Variants in TEKT5 observed in about 807,000 individuals in gnomAD.
TEKT5 encodes tektin 5.
TEKT5 carries 52 observed loss-of-function variants against 48.7 expected under a neutral mutation model. The ratio of observed to expected loss-of-function variants is 1.07; its 90% CI spans 0.86 to 1.35. The LOEUF is 1.35. Ranked by LOEUF, TEKT5 falls within the 40% of genes most tolerant of loss-of-function variation. TEKT5 has a pLI of 0.00. For synonymous variants in TEKT5, 318 were observed against 267.6 expected (o/e 1.19, Z -1.84); for missense variants, 831 against 641.6 (o/e 1.30, Z -3.19).
intron 1 of TEKT5, 163 bp from the exon 2 acceptor site, chr16:10,690,188 C>A (rs571851141): frequency 7.2e-4 from 471 of 656,600 alleles, no homozygotes; most frequent in Non-Finnish European, 1.1e-3. Context: ...TCTGCCTCCC[C>A]TTCTCCCCGG....
chr16:10,657,612 T>A (rs908318813), intron 5 of TEKT5, among the ~76,000 whole-genome samples: 1 of 150,180 alleles, frequency 6.7e-6, no homozygotes, highest in Admixed American at 6.6e-5. Flanking sequence ...TTCCCTGAGA[T>A]GGAGTCTCGC....
intron 3 of TEKT5, among the ~76,000 whole-genome samples, chr16:10,685,966 C>G (rs968581335): frequency 1.3e-5 from 2 of 152,180 alleles, no homozygotes; most frequent in African/African-American, 4.8e-5. Context: ...GTTCACTCTG[C>G]CGGCTCAAAC....
At chr16:10,636,368 T>C (rs1324012561) in intron 5 of TEKT5, among the ~76,000 whole-genome samples, 1 of 129,906 alleles carries the variant, frequency 7.7e-6, no homozygotes, top group Non-Finnish European at 1.7e-5. Flanking sequence ...AGAGCGAGAC[T>C]TTGTCTCAAA....
chr16:10,672,684 G>C (rs191850033), intron 5 of TEKT5, among the ~76,000 whole-genome samples: 66 of 152,252 alleles, frequency 4.3e-4, no homozygotes, highest in Non-Finnish European at 1.2e-4. Context: ...AGGGGGACAA[G>C]GTTAAATCAG....
intron 5 of TEKT5, among the ~76,000 whole-genome samples, chr16:10,674,428 G>C (rs1484508625): frequency 6.6e-6 from 1 of 151,968 alleles, no homozygotes; most frequent in Non-Finnish European, 1.5e-5. Context: ...GAGCCCAGGA[G>C]TTTGAGACCA....
At chr16:10,674,112 A>G (rs1327702720) in intron 5 of TEKT5, among the ~76,000 whole-genome samples, 1 of 151,882 alleles carries the variant, frequency 6.6e-6, no homozygotes, top group East Asian at 1.9e-4. Context: ...GCCTACCCAG[A>G]CCCACCTGCC....
At chr16:10,637,132 C>T (rs1243898165) in intron 5 of TEKT5, among the ~76,000 whole-genome samples, 1 of 150,950 alleles carries the variant, frequency 6.6e-6, no homozygotes, top group Non-Finnish European at 1.5e-5. Flanking sequence ...CAGGTGCCTG[C>T]CACCATGCCT....
chr16:10,674,272 C>T (rs146548288), intron 5 of TEKT5, among the ~76,000 whole-genome samples: 310 of 152,210 alleles, frequency 2.0e-3, no homozygotes, highest in Non-Finnish European at 3.1e-3. Context: ...GTGTGGGTCC[C>T]ATGAGAATAT....
intron 3 of TEKT5, among the ~76,000 whole-genome samples, chr16:10,687,862 G>A (rs1261006652): frequency 3.9e-5 from 6 of 152,222 alleles, no homozygotes; most frequent in Non-Finnish European, 8.8e-5. Context: ...CATAGTAGGT[G>A]TATATATTTG....
intron 5 of TEKT5, among the ~76,000 whole-genome samples, chr16:10,642,205 G>T (rs919151294): frequency 1.3e-5 from 2 of 152,180 alleles, no homozygotes; most frequent in African/African-American, 2.4e-5. Context: ...CCCTCCCAGG[G>T]TTAGCCAGTG....
intron 3 of TEKT5, among the ~76,000 whole-genome samples, chr16:10,683,841 C>T (rs1235646722): frequency 1.3e-5 from 2 of 152,220 alleles, no homozygotes; most frequent in Non-Finnish European, 2.9e-5. Flanking sequence ...GATCCGCCTG[C>T]CTTGGCTTCC....
In TEKT5 at chr16:10,682,030, T is replaced by G. The variant is rs1567235314; in HGVS notation, c.826A>C (p.Ile276Leu). 1 of 1,614,216 alleles carries G rather than the reference T, an allele frequency of 6.2e-7. No homozygotes were observed. The highest frequency in any genetic ancestry group is 2.2e-5 in the East Asian group (1 of 44,886). The change falls in exon 4 of 7, where the codon ATC becomes CTC. Residue 276 changes from isoleucine (I) to leucine (L), a missense_variant. Transcript: ENST00000283025. The stretch of plus-strand genomic sequence containing the variant: ...TTCTCCATGCCGTGGAAGAAGCTGA[T>G]GCAGTCTGACGTATTTCTCAGGTTA... ...CFNLRNTSDC[I>L]SFFHGMEKID...
At chr16:10,677,654 C>G (rs1898672072) in intron 4 of TEKT5, among the ~76,000 whole-genome samples, 1 of 107,806 alleles carries the variant, frequency 9.3e-6, no homozygotes. Flanking sequence ...TGTCACTATC[C>G]CAGCTGTAAA....
intron 4 of TEKT5, among the ~76,000 whole-genome samples, chr16:10,677,594 G>C (rs963467502): frequency 1.4e-5 from 2 of 146,380 alleles, no homozygotes; most frequent in Non-Finnish European, 2.9e-5. Context: ...GGGCAACAGA[G>C]TAAGACCCTG....
At chr16:10,635,583 C>G (rs75819287) in intron 6 of TEKT5, among the ~76,000 whole-genome samples, 181 bp downstream of exon 6, 1 of 152,086 alleles carries the variant, frequency 6.6e-6, no homozygotes, top group Non-Finnish European at 1.5e-5. Context: ...GTGGTACAGC[C>G]CGAGCTGCAT....
intron 5 of TEKT5, among the ~76,000 whole-genome samples, chr16:10,671,250 C>T (rs1456733600): frequency 1.3e-5 from 2 of 152,158 alleles, no homozygotes; most frequent in African/African-American, 4.8e-5. Flanking sequence ...CAATAGCCAA[C>T]TAAAAGAGCC....
intron 5 of TEKT5, among the ~76,000 whole-genome samples, chr16:10,655,260 G>A (rs141653911): frequency 3.9e-5 from 6 of 152,026 alleles, no homozygotes; most frequent in African/African-American, 1.4e-4. Context: ...ATATTTACAC[G>A]TTCTTATCGC....
chr16:10,654,704 G>T (rs1055485304), intron 5 of TEKT5, among the ~76,000 whole-genome samples: 1 of 152,118 alleles, frequency 6.6e-6, no homozygotes, highest in African/African-American at 2.4e-5. Context: ...CCTTAGGACT[G>T]GAACTCAATT....
intron 5 of TEKT5, among the ~76,000 whole-genome samples, chr16:10,659,758 C>T (rs1323939805): frequency 6.6e-6 from 1 of 152,078 alleles, no homozygotes; most frequent in Non-Finnish European, 1.5e-5. Context: ...GGCCTGTACG[C>T]TCATTATTAG....
Sources: allele counts gnomAD v4.1 joint callset (sites outside exome capture counted in the v4.1 genomes callset), GRCh38; gene constraint gnomAD v4.1.1; transcripts MANE v1.5; gene names NCBI Gene and HGNC (gene_info 2026-07-23, HGNC 2026-07-21).